The following ARHGAP25 variants were observed in gnomAD, a reference collection of about 807,000 sequenced individuals.
ARHGAP25 encodes rho GTPase-activating protein 25.
Under a neutral mutation model 71.0 loss-of-function variants are expected in ARHGAP25, and 34 were observed. That is an observed-to-expected ratio of 0.48 (90% CI 0.36 to 0.64). ARHGAP25 has a LOEUF of 0.64. Ranked by LOEUF, ARHGAP25 falls within the 30% of genes least tolerant of loss-of-function variation. ARHGAP25 has a pLI of 0.00. For missense variants in ARHGAP25, 706 were observed against 805.1 expected, an observed-to-expected ratio of 0.88 and a Z score of 1.49; for synonymous variants, 282 against 296.5, an observed-to-expected ratio of 0.95 and a Z score of 0.50.
intron 2 of ARHGAP25, 155 bp downstream of exon 2, chr2:68,775,575 T>G: frequency 1.0e-5 from 12 of 1,148,574 alleles, no homozygotes; most frequent in Non-Finnish European, 1.5e-5. Flanking sequence ...ATTTTCTAGA[T>G]ACATAAACTG....
At chr2:68,754,461 T>G (rs1232272252) in intron 1 of ARHGAP25, among the ~76,000 whole-genome samples, 1 of 152,234 alleles carries the variant, frequency 6.6e-6, no homozygotes, top group Non-Finnish European at 1.5e-5. Flanking sequence ...TGGTATTCTA[T>G]TGTATGAATG....
upstream of ARHGAP25, among the ~76,000 whole-genome samples, chr2:68,733,829 G>A (rs1675090271): frequency 1.3e-5 from 2 of 152,354 alleles, no homozygotes; most frequent in South Asian, 4.1e-4. Context: ...CTTAGATGCT[G>A]GCTAGCAGTG....
chr2:68,738,448 GCTTT>G (rs1675330000), intron 1 of ARHGAP25, among the ~76,000 whole-genome samples: 2 of 152,106 alleles, frequency 1.3e-5, no homozygotes, highest in Non-Finnish European at 2.9e-5. Flanking sequence ...TTGATGTTCA[GCTTT>G]CTGAACATCA....
upstream of ARHGAP25, among the ~76,000 whole-genome samples, chr2:68,732,820 G>A (rs1459614866): frequency 2.0e-5 from 3 of 152,206 alleles, no homozygotes; most frequent in Non-Finnish European, 4.4e-5. Context: ...TCTCTCTTGT[G>A]CTCCTTTCAT....
intron 4 of ARHGAP25, among the ~76,000 whole-genome samples, chr2:68,789,072 G>C (rs141633154): frequency 1.3e-5 from 2 of 149,992 alleles, no homozygotes; most frequent in Non-Finnish European, 3.0e-5. Flanking sequence ...TTGGTCTGTC[G>C]CCCAGGATGG....
chr2:68,731,517 C>T (rs1675019825), upstream of ARHGAP25, among the ~76,000 whole-genome samples: 1 of 152,034 alleles, frequency 6.6e-6, no homozygotes, highest in African/African-American at 2.4e-5. Flanking sequence ...CCGTTTTCCC[C>T]AGGATACAGT....
chr2:68,734,555 C>T (rs373244029), upstream of ARHGAP25, among the ~76,000 whole-genome samples: 4 of 152,086 alleles, frequency 2.6e-5, no homozygotes, highest in Non-Finnish European at 5.9e-5. Context: ...ATGCTTGATC[C>T]GTTAGGTGAG....
chr2:68,784,160 G>A (rs1443877123), intron 3 of ARHGAP25, among the ~76,000 whole-genome samples: 5 of 149,354 alleles, frequency 3.3e-5, no homozygotes, highest in Admixed American at 6.7e-5. Flanking sequence ...TCTCTCTTTC[G>A]CTCTCTCTCT....
intron 2 of ARHGAP25, among the ~76,000 whole-genome samples, chr2:68,711,090 A>G (rs1674469866): frequency 6.6e-6 from 1 of 152,138 alleles, no homozygotes. Context: ...CTCCCTCTCA[A>G]TGGCACCCAT....
chr2:68,750,322 C>CTT (rs367795010), intron 1 of ARHGAP25, among the ~76,000 whole-genome samples: 4 of 139,480 alleles, frequency 2.9e-5, no homozygotes, highest in Non-Finnish European at 4.6e-5. Context: ...CATGAAGCCA[C>CTT]TTTTTTTTTT....
intron 7 of ARHGAP25, among the ~76,000 whole-genome samples, chr2:68,817,467 C>T (rs941826049): frequency 1.3e-5 from 2 of 152,272 alleles, no homozygotes; most frequent in African/African-American, 4.8e-5. Flanking sequence ...GGCCTGAGAT[C>T]TTCTTACCAA....
At chr2:68,796,159 T>C (rs902732951) in intron 4 of ARHGAP25, among the ~76,000 whole-genome samples, 2 of 152,208 alleles carry the variant, frequency 1.3e-5, no homozygotes, top group African/African-American at 4.8e-5. Flanking sequence ...CCAATAAATG[T>C]ATTTTGTTCT....
chr2:68,793,395 C>T (rs1679327010), intron 4 of ARHGAP25, among the ~76,000 whole-genome samples: 1 of 151,922 alleles, frequency 6.6e-6, no homozygotes, highest in Admixed American at 6.6e-5. Flanking sequence ...TAGCTTTACT[C>T]TAGGTTTTAC....
intron 3 of ARHGAP25, among the ~76,000 whole-genome samples, chr2:68,784,872 A>G (rs1678635922): frequency 6.6e-6 from 1 of 152,314 alleles, no homozygotes; most frequent in East Asian, 1.9e-4. Context: ...ATTAAACCAA[A>G]GAGAGAGAAG....
upstream of ARHGAP25, among the ~76,000 whole-genome samples, chr2:68,731,713 C>A (rs1170169974): frequency 6.6e-6 from 1 of 152,078 alleles, no homozygotes; most frequent in East Asian, 1.9e-4. Context: ...TTTCCAACCC[C>A]CTTGCCTCCC....
intron 8 of ARHGAP25, 55 bp from the exon 9 acceptor site, chr2:68,819,068 G>T: frequency 6.9e-7 from 1 of 1,451,792 alleles, no homozygotes; most frequent in Non-Finnish European, 9.3e-7. Context: ...GATCCTTGAG[G>T]ACTGACTACC....
At chr2:68,807,097 A>G (rs1171190272) in intron 4 of ARHGAP25, 176 bp from the exon 5 acceptor site, 3 of 624,250 alleles carry the variant, frequency 4.8e-6, no homozygotes, top group Non-Finnish European at 8.5e-6. Flanking sequence ...GACTGCCTCA[A>G]ATTTACAGGC....
At chr2:68,733,729 G>A (rs551592748), upstream of ARHGAP25, among the ~76,000 whole-genome samples, 117 of 152,300 alleles carry the variant, frequency 7.7e-4, no homozygotes, top group African/African-American at 2.4e-3. Flanking sequence ...AACCCAGGTC[G>A]TCAGTAAGAG....
chr2:68,807,606 C>G, intron 5 of ARHGAP25, 126 bp downstream of exon 5: 1 of 929,132 alleles, frequency 1.1e-6, no homozygotes, highest in East Asian at 2.6e-5. Flanking sequence ...TGGCTTACAA[C>G]AGAAAGAGCC....
Sources: gnomAD v4.1 joint callset for allele counts (sites outside exome capture counted in the v4.1 genomes callset) on GRCh38, gnomAD v4.1.1 for gene constraint, MANE v1.5 for transcripts, NCBI Gene and HGNC (gene_info 2026-07-23, HGNC 2026-07-21) for gene names.